Variants in AKAP6 observed in about 807,000 individuals in gnomAD.
The protein encoded by AKAP6 is A-kinase anchoring protein 6, also known as A-kinase anchor protein 6.
Under a neutral mutation model 188.5 loss-of-function variants are expected in AKAP6, and 58 were observed. That is an observed-to-expected ratio of 0.31 (90% CI 0.25 to 0.38). The LOEUF is 0.38. Ranked by LOEUF, AKAP6 falls within the 10% of genes least tolerant of loss-of-function variation. AKAP6 has a pLI of 1.00. For missense variants in AKAP6, 2,710 were observed against 2,740.0 expected (o/e 0.99, Z 0.24); for synonymous variants, 989 against 998.6 (o/e 0.99, Z 0.18).
At chr14:32,570,312 CT>C (rs61588258) in intron 4 of AKAP6, among the ~76,000 whole-genome samples, 117,480 of 147,066 alleles carry the variant, frequency 0.8, 46,824 homozygotes, top group East Asian at 0.9. Context: ...TGTATTTTTT[CT>C]TTTTTTTTTT....
At chr14:32,510,755 C>T in intron 2 of AKAP6, among the ~76,000 whole-genome samples, 1 of 151,978 alleles carries the variant, frequency 6.6e-6, no homozygotes, top group Non-Finnish European at 1.5e-5. Context: ...GGCCTCTTGG[C>T]CCTCATCATA....
chr14:32,784,697 A>G (rs1277993609), intron 12 of AKAP6, among the ~76,000 whole-genome samples: 2 of 152,180 alleles, frequency 1.3e-5, no homozygotes, highest in East Asian at 3.9e-4. Flanking sequence ...TTTAATCTTC[A>G]TAACAACCAA....
rs551315096 is a variant in AKAP6 at position 32,692,978 on chromosome 14, A to C, written c.2880-3012A>C. Among the ~76,000 whole-genome samples, 13 of 152,240 alleles carry C rather than the reference A, an allele frequency of 8.5e-5. No individual in the cohort carries two copies. In the South Asian group the frequency reaches 2.7e-3, roughly 32 times the overall value. ...AATAAATTAACATTCTCTTTAGGAA[A>C]TACTCTCTTGGGATCAATACTCTGT... On this transcript the variant is annotated intron_variant, in intron 8 of 13. Transcript: ENST00000280979.
At chr14:32,729,775 G>A (rs532250364) in intron 9 of AKAP6, among the ~76,000 whole-genome samples, 215 of 152,180 alleles carry the variant, frequency 1.4e-3, no homozygotes, top group African/African-American at 5.0e-3. Flanking sequence ...ATTTACCTTA[G>A]CACTCAAGAA....
intron 1 of AKAP6, among the ~76,000 whole-genome samples, chr14:32,421,574 T>C (rs537878455): frequency 6.6e-6 from 1 of 152,282 alleles, no homozygotes; most frequent in Admixed American, 6.5e-5. Flanking sequence ...ACCGAAATCA[T>C]ATTTTCCATG....
At chr14:32,532,221 C>G (rs755638380) in intron 2 of AKAP6, among the ~76,000 whole-genome samples, 4 of 152,136 alleles carry the variant, frequency 2.6e-5, no homozygotes, top group Non-Finnish European at 5.9e-5. Context: ...TTTTAATTTA[C>G]ATTTCCATCT....
At chr14:32,462,901 C>CAAAAAAAAAAAAAAA (rs71143943) in intron 2 of AKAP6, among the ~76,000 whole-genome samples, 6 of 8,832 alleles carry the variant, frequency 6.8e-4, no homozygotes, top group African/African-American at 8.9e-4. Context: ...AAATGGAAAG[C>CAAAAAAAAAAAAAAA]AAAAAAAAAA....
Position 32,599,443 on chromosome 14 carries a change from C to G in AKAP6, c.2503C>G (p.Leu835Val), listed in dbSNP as rs754215086. Residue 835 changes from leucine to valine, a missense_variant, in exon 6 of 14, where the codon CTC becomes GTC. By Grantham distance (32) the Leu-to-Val change is conservative. Around this residue, in one of 2 missense-constraint regions of AKAP6, gnomAD observed 2,473 missense variants for 2,426.1 expected, o/e 1.02. Coordinates refer to ENST00000280979, the MANE Select transcript of AKAP6 (RefSeq NM_004274.5). ...FKLNVDSHCA[L>V]KEAVEEEGHQ... ...GTTGAATGTAGACAGTCATTGTGCT[C>G]TCAAGGAAGCTGTGGAGGAGGAAGG... 6.8e-6 allele frequency: 11 copies of G among 1,613,284 alleles called. No homozygotes were observed. The highest frequency in any genetic ancestry group is 1.7e-4 in the Middle Eastern group (1 of 6,056).
At chr14:32,590,155 A>G (rs559384022) in intron 5 of AKAP6, among the ~76,000 whole-genome samples, 2 of 152,230 alleles carry the variant, frequency 1.3e-5, no homozygotes, top group African/African-American at 4.8e-5. Flanking sequence ...ATTTGGGGGA[A>G]TCTTCCTTAG....
intron 2 of AKAP6, among the ~76,000 whole-genome samples, chr14:32,436,991 A>G (rs1890401954): frequency 6.6e-6 from 1 of 152,182 alleles, no homozygotes. Context: ...TTGGACTTAC[A>G]ATAAAACTAA....
intron 2 of AKAP6, among the ~76,000 whole-genome samples, chr14:32,483,642 T>A (rs1047945265): frequency 1.3e-5 from 2 of 151,904 alleles, no homozygotes; most frequent in Admixed American, 6.6e-5. Context: ...ATGCCACCAC[T>A]CCCAGCTAAT....
intron 1 of AKAP6, among the ~76,000 whole-genome samples, chr14:32,338,620 C>T (rs1051797113): frequency 2.0e-5 from 3 of 152,042 alleles, no homozygotes; most frequent in African/African-American, 7.2e-5. Flanking sequence ...ACACCCTATA[C>T]CTAAACACTG....
intron 5 of AKAP6, among the ~76,000 whole-genome samples, chr14:32,578,888 A>G (rs17099320): frequency 0.16 from 24,627 of 151,934 alleles, 3,002 homozygotes; most frequent in African/African-American, 0.34. Context: ...TTTTTCAAAT[A>G]CAGTATTACA....
At chr14:32,637,464 A>G (rs574610616) in intron 7 of AKAP6, among the ~76,000 whole-genome samples, 1 of 152,238 alleles carries the variant, frequency 6.6e-6, no homozygotes, top group African/African-American at 2.4e-5. Context: ...GAGGAAAATA[A>G]TATCATAGCC....
chr14:32,545,075 A>G (rs1883132857), intron 3 of AKAP6, among the ~76,000 whole-genome samples, 155 bp from the exon 4 acceptor site: 3 of 152,202 alleles, frequency 2.0e-5, no homozygotes, highest in African/African-American at 7.2e-5. Context: ...CAATGTGGTA[A>G]TTGATTAATA....
chr14:32,729,835 T>C (rs10149509), intron 9 of AKAP6, among the ~76,000 whole-genome samples: 31,709 of 151,940 alleles, frequency 0.21, 3,579 homozygotes, highest in East Asian at 0.45. Context: ...TATTGAAGAG[T>C]AGTCTATATC....
chr14:32,742,457 A>G (rs2031722488), intron 11 of AKAP6, among the ~76,000 whole-genome samples: 1 of 151,180 alleles, frequency 6.6e-6, no homozygotes, highest in African/African-American at 2.4e-5. Context: ...ATGCTTTGTT[A>G]TATTGTTTAT....
chr14:32,379,235 T>A (rs1888264653), intron 1 of AKAP6, among the ~76,000 whole-genome samples: 3 of 152,178 alleles, frequency 2.0e-5, no homozygotes, highest in Admixed American at 1.3e-4. Flanking sequence ...TGTAAGATTA[T>A]TTTCTTCAGT....
In AKAP6 at chr14:32,780,009, G is replaced by GT. The variant is rs575086606; in HGVS notation, c.3588+6117dup. On this transcript the variant is annotated intron_variant, in intron 12 of 13. Transcript: ENST00000280979. ...ACCGTATGACCCAGAAATCTCTCTT[G>GT]TAGGTCTATACCCAAAGGAAATGAA... Among the ~76,000 whole-genome samples the GT allele has an allele frequency of 1.1e-4, 17 of 152,046 alleles. No homozygotes were observed. The East Asian group carries it at 3.3e-3, about 29-fold the overall frequency.
Sources: gnomAD v4.1 joint callset for allele counts (sites outside exome capture counted in the v4.1 genomes callset) on GRCh38, gnomAD v4.1.1 for gene constraint, gnomAD v4.1.1 regional missense constraint, MANE v1.5 for transcripts, NCBI Gene and HGNC (gene_info 2026-07-23, HGNC 2026-07-21) for gene names.